The following PCDH15 variants were observed in gnomAD, a reference collection of about 807,000 sequenced individuals.
The protein encoded by PCDH15 is protocadherin-15.
In PCDH15, 129 loss-of-function variants were observed where a neutral mutation model predicts 178.5. That is an observed-to-expected ratio of 0.72 (90% CI 0.63 to 0.84). The LOEUF is 0.84. Ranked by LOEUF, PCDH15 falls within the 40% of genes least tolerant of loss-of-function variation. The probability of loss-of-function intolerance (pLI) is 0.00; values close to 1 mark genes in which losing one functional copy is unlikely to be tolerated. For synonymous variants in PCDH15, 800 were observed against 732.0 expected, an observed-to-expected ratio of 1.09 and a Z score of -1.50; for missense variants, 2,230 against 2,099.9, an observed-to-expected ratio of 1.06 and a Z score of -1.21.
At chr10:55,356,552 G>T (rs1845085949) in intron 2 of PCDH15, among the ~76,000 whole-genome samples, 1 of 151,734 alleles carries the variant, frequency 6.6e-6, no homozygotes, top group Admixed American at 6.6e-5. Context: ...TAAAACAAAG[G>T]TATGCTGAAC....
At chr10:53,841,854 C>G (rs953875809) in intron 28 of PCDH15, among the ~76,000 whole-genome samples, 1 of 148,220 alleles carries the variant, frequency 6.7e-6, no homozygotes, top group African/African-American at 2.5e-5. Context: ...TCCAGCTAGT[C>G]GGGAGATGAA....
chr10:53,940,317 C>G (rs1460400660), intron 24 of PCDH15, among the ~76,000 whole-genome samples: 1 of 152,080 alleles, frequency 6.6e-6, no homozygotes, highest in Non-Finnish European at 1.5e-5. Context: ...ATTACAAAAA[C>G]TTATATTTTT....
intron 1 of PCDH15, among the ~76,000 whole-genome samples, chr10:54,798,251 C>T (rs1208509800): frequency 2.0e-5 from 3 of 151,762 alleles, no homozygotes; most frequent in African/African-American, 7.3e-5. Flanking sequence ...CCTTCCAATA[C>T]CCTTGGATGC....
intron 1 of PCDH15, among the ~76,000 whole-genome samples, chr10:55,312,102 G>T (rs749427030): frequency 6.6e-5 from 10 of 152,146 alleles, no homozygotes; most frequent in Admixed American, 1.3e-4. Context: ...TGTATTAATT[G>T]TGTTTTCATG....
intron 31 of PCDH15, 44 bp downstream of exon 31, chr10:53,828,521 T>G (rs777182695): frequency 6.7e-7 from 1 of 1,490,632 alleles, no homozygotes; most frequent in African/African-American, 1.4e-5. Context: ...GTTTCTCTTT[T>G]CCTATTACAT....
intron 3 of PCDH15, among the ~76,000 whole-genome samples, chr10:54,846,835 G>GA (rs200306873): frequency 1.3e-5 from 2 of 151,718 alleles, no homozygotes; most frequent in East Asian, 1.9e-4. Context: ...AACCCTTAAG[G>GA]AAAAAAAATA....
intron 3 of PCDH15, chr10:54,864,688 G>C (rs1467002234): frequency 6.6e-6 from 1 of 152,142 alleles, no homozygotes; most frequent in Non-Finnish European, 1.5e-5. Context: ...TGGTGGCAGT[G>C]GTGGGTAGGA....
intron 2 of PCDH15, among the ~76,000 whole-genome samples, chr10:55,517,544 G>A (rs1043509819): frequency 6.6e-6 from 1 of 152,040 alleles, no homozygotes; most frequent in African/African-American, 2.4e-5. Flanking sequence ...AAATAAGCTG[G>A]TAGAAGAAAT....
intron 2 of PCDH15, among the ~76,000 whole-genome samples, chr10:54,590,400 A>C (rs1218732867): frequency 6.6e-6 from 1 of 152,112 alleles, no homozygotes; most frequent in African/African-American, 2.4e-5. Flanking sequence ...GCTTAAACCG[A>C]TGTTTTGGAT....
At chr10:53,990,266 T>C (rs1400559940) in intron 21 of PCDH15, among the ~76,000 whole-genome samples, 1 of 152,048 alleles carries the variant, frequency 6.6e-6, no homozygotes, top group Non-Finnish European at 1.5e-5. Flanking sequence ...AACGCTACAA[T>C]AGTTCTCAAA....
At chr10:55,073,424 C>T (rs1564772758) in intron 2 of PCDH15, among the ~76,000 whole-genome samples, 10 of 151,612 alleles carry the variant, frequency 6.6e-5, no homozygotes. Context: ...AATCAATGTA[C>T]AAAAAATCAC....
At chr10:54,675,928 C>T (rs1052850389) in intron 1 of PCDH15, among the ~76,000 whole-genome samples, 27 of 152,096 alleles carry the variant, frequency 1.8e-4, no homozygotes, top group Admixed American at 4.6e-4. Context: ...TACATTAAAG[C>T]TAATTTGTTC....
chr10:53,944,747 T>C (rs990224626), intron 23 of PCDH15, among the ~76,000 whole-genome samples: 1 of 152,200 alleles, frequency 6.6e-6, no homozygotes, highest in African/African-American at 2.4e-5. Flanking sequence ...GATGGCCATT[T>C]TCCAAAGATG....
At chr10:54,525,349 C>T (rs1450895782) in intron 3 of PCDH15, among the ~76,000 whole-genome samples, 1 of 152,194 alleles carries the variant, frequency 6.6e-6, no homozygotes, top group East Asian at 1.9e-4. Context: ...GAGTGCTCAT[C>T]ATTCTGGTAA....
chr10:54,962,878 A>C lies in PCDH15; in HGVS notation c.-79-65378T>G, dbSNP rs7094701. On this transcript the variant is annotated intron_variant, in intron 2 of 5. Coordinates refer to the PCDH15 transcript ENST00000458638. ...AAGGCATGAGAAATACTCAGGAAGA[A>C]GGCACCACCAAAGACAAAGGTTTCT... Among the ~76,000 whole-genome samples the C allele has an allele frequency of 5.0e-3, 759 of 152,302 alleles. 5 individuals are homozygous for C. The highest frequency in any genetic ancestry group is 0.017 in the African/African-American group (726 of 41,564).
chr10:53,826,480 T>C (rs2076687364), intron 32 of PCDH15, among the ~76,000 whole-genome samples: 1 of 152,090 alleles, frequency 6.6e-6, no homozygotes, highest in African/African-American at 2.4e-5. Context: ...TAACATGTTA[T>C]AGTCCTTCTA....
intron 2 of PCDH15, among the ~76,000 whole-genome samples, chr10:55,156,966 C>A (rs1215102418): frequency 1.3e-5 from 2 of 151,920 alleles, no homozygotes; most frequent in Admixed American, 6.6e-5. Context: ...TATCGCTAAA[C>A]TCTTGGGTCA....
intron 8 of PCDH15, among the ~76,000 whole-genome samples, chr10:54,244,761 A>T (rs2055755718): frequency 6.6e-6 from 1 of 152,140 alleles, no homozygotes; most frequent in African/African-American, 2.4e-5. Context: ...CCTCCCCTTC[A>T]TTCCCATCGT....
chr10:55,489,408 C>T (rs180916235), intron 2 of PCDH15, among the ~76,000 whole-genome samples: 13 of 151,560 alleles, frequency 8.6e-5, no homozygotes, highest in Admixed American at 6.6e-4. Flanking sequence ...ATATGGAATC[C>T]TATTATTTAA....
Sources: allele counts gnomAD v4.1 joint callset (sites outside exome capture counted in the v4.1 genomes callset), GRCh38; gene constraint gnomAD v4.1.1; transcripts MANE v1.5; gene names NCBI Gene and HGNC (gene_info 2026-07-23, HGNC 2026-07-21).